Variants in BTRC observed in about 807,000 individuals in gnomAD.
The protein encoded by BTRC is beta-transducin repeat containing E3 ubiquitin protein ligase, also known as F-box/WD repeat-containing protein 1A.
A neutral mutation model predicts 85.5 loss-of-function variants in BTRC; 42 were observed. The observed-to-expected ratio is 0.49, with a 90% CI of 0.38 to 0.64. BTRC has a LOEUF of 0.64. Ranked by LOEUF, BTRC falls within the 30% of genes least tolerant of loss-of-function variation. The pLI is 0.00. For missense variants in BTRC, 594 were observed against 743.5 expected (o/e 0.80, Z 2.34); for synonymous variants, 255 against 263.3 (o/e 0.97, Z 0.30).
intron 2 of BTRC, among the ~76,000 whole-genome samples, chr10:101,438,357 A>G (rs1448056963): frequency 2.1e-5 from 3 of 142,306 alleles, no homozygotes; most frequent in South Asian, 2.4e-4. Context: ...CCCGGGAGGC[A>G]GAGCTTGCAG....
intron 4 of BTRC, among the ~76,000 whole-genome samples, chr10:101,501,129 G>A (rs1258197141): frequency 1.3e-5 from 2 of 151,582 alleles, no homozygotes; most frequent in Admixed American, 6.6e-5. Flanking sequence ...CGGGGCAGAG[G>A]TTGCAGTGAG....
intron 2 of BTRC, among the ~76,000 whole-genome samples, chr10:101,455,101 G>A (rs954592644): frequency 1.2e-4 from 18 of 148,236 alleles, no homozygotes; most frequent in Middle Eastern, 3.4e-3. Flanking sequence ...TCACTCTGTC[G>A]CCCAGGCTAG....
chr10:101,465,346 G>A (rs997657713), intron 3 of BTRC, among the ~76,000 whole-genome samples: 2 of 152,166 alleles, frequency 1.3e-5, no homozygotes, highest in Non-Finnish European at 2.9e-5. Flanking sequence ...CAAAAATAGC[G>A]TTTTGCCATT....
At chr10:101,420,134 TACA>T (rs765449781) in intron 1 of BTRC, among the ~76,000 whole-genome samples, 51 of 152,218 alleles carry the variant, frequency 3.4e-4, no homozygotes, top group Non-Finnish European at 5.6e-4. Flanking sequence ...GATTTCAGCT[TACA>T]ACAACATCCT....
In BTRC at chr10:101,538,164, G is replaced by A; in HGVS notation, c.1578-129G>A. 3 of 763,916 alleles carry A rather than the reference G, an allele frequency of 3.9e-6. No homozygotes were observed. The South Asian group carries it at 4.6e-5, about 12-fold the overall frequency. 47.3% of individuals were successfully genotyped at this position (763,916 alleles called of 1,614,324 possible). On this transcript the variant is annotated intron_variant, in intron 12 of 14. Transcript: ENST00000370187. ...GTTAAAGCTAGCCTGTTTCTCATTT[G>A]TAGGTTAATCACGTACATTTGAACT...
rs777047410 is a variant in BTRC at position 101,532,307 on chromosome 10, A to T, written c.853A>T (p.Asn285Tyr). Residue 285 changes from asparagine (N) to tyrosine (Y), a missense_variant, in exon 8 of 15, where the codon AAT becomes TAT. Physicochemically the swap from Asn to Tyr is moderately radical, Grantham distance 143. This residue lies in a region of BTRC where 373 missense variants were observed against 503.6 expected (regional missense o/e 0.74). Coordinates refer to ENST00000370187, the MANE Select transcript of BTRC (RefSeq NM_033637.4). ...TCCTTCTTCTCAGACAATAGAATCT[A>T]ATTGGAGATGTGGAAGACATAGTTT... is the stretch of plus-strand genomic sequence containing the variant. Reference protein sequence around the residue: ...IIQDIETIESNWRCGRHSLQR... With the variant: ...IIQDIETIESYWRCGRHSLQR... 6.2e-7 allele frequency: 1 copy of T among 1,611,940 alleles called. No homozygotes were observed. The highest frequency in any genetic ancestry group is 2.2e-5 in the East Asian group (1 of 44,840).
chr10:101,535,976 G>A (rs1201788290), intron 11 of BTRC, among the ~76,000 whole-genome samples: 1 of 152,204 alleles, frequency 6.6e-6, no homozygotes, highest in East Asian at 1.9e-4. Context: ...TTAAAAAAGA[G>A]CTACTGTTTG....
intron 2 of BTRC, among the ~76,000 whole-genome samples, chr10:101,456,382 A>C (rs1945083730): frequency 6.6e-6 from 1 of 152,124 alleles, no homozygotes; most frequent in African/African-American, 2.4e-5. Context: ...TAGACTGAAA[A>C]TTAGCTAGAT....
At chr10:101,418,309 A>G (rs1278064444) in intron 1 of BTRC, among the ~76,000 whole-genome samples, 1 of 152,132 alleles carries the variant, frequency 6.6e-6, no homozygotes, top group Non-Finnish European at 1.5e-5. Context: ...CGGAGGTTGC[A>G]GTGAGCCAAT....
At chr10:101,522,832 CT>C (rs1240912269) in intron 5 of BTRC, among the ~76,000 whole-genome samples, 1 of 152,110 alleles carries the variant, frequency 6.6e-6, no homozygotes, top group Non-Finnish European at 1.5e-5. Flanking sequence ...TAAGATGTGT[CT>C]TTTATAATAA....
At chr10:101,546,674 G>C (rs1173057764) in intron 13 of BTRC, among the ~76,000 whole-genome samples, 1 of 152,016 alleles carries the variant, frequency 6.6e-6, no homozygotes, top group African/African-American at 2.4e-5. Context: ...TAGAAGAAAA[G>C]AAATAACAAA....
chr10:101,393,342 C>T (rs1368952048), intron 1 of BTRC, among the ~76,000 whole-genome samples: 1 of 152,112 alleles, frequency 6.6e-6, no homozygotes, highest in Non-Finnish European at 1.5e-5. Flanking sequence ...ATTAATTGAA[C>T]CCACAGAGGG....
intron 13 of BTRC, among the ~76,000 whole-genome samples, chr10:101,546,094 T>C (rs1474301896): frequency 1.3e-5 from 2 of 152,172 alleles, no homozygotes; most frequent in Non-Finnish European, 2.9e-5. Context: ...AAGAACATAG[T>C]TGAATTTAGC....
At chr10:101,464,845 C>A (rs1230428628) in intron 3 of BTRC, among the ~76,000 whole-genome samples, 1 of 152,104 alleles carries the variant, frequency 6.6e-6, no homozygotes, top group African/African-American at 2.4e-5. Flanking sequence ...TTTGCTCGAA[C>A]CAGATTACTG....
chr10:101,375,343 G>A (rs946858851), intron 1 of BTRC, among the ~76,000 whole-genome samples: 3 of 151,786 alleles, frequency 2.0e-5, no homozygotes, highest in East Asian at 1.9e-4. Flanking sequence ...GCCTTCTCCC[G>A]TGATTTTAAG....
chr10:101,418,006 G>C (rs1943992231), intron 1 of BTRC, among the ~76,000 whole-genome samples: 1 of 152,122 alleles, frequency 6.6e-6, no homozygotes, highest in Non-Finnish European at 1.5e-5. Context: ...ACTTTATTCA[G>C]TGGCTTATTT....
In BTRC at chr10:101,538,277, C is replaced by T; in HGVS notation, c.1578-16C>T. On this transcript the variant is annotated splice_polypyrimidine_tract_variant and intron_variant, in intron 12 of 14. Transcript: ENST00000370187. ...TTGCTTTTAACTAACATTTTTGTCCCCTTTTTGATCTTTAGAAAAATTAAA... is the reference window on the plus strand; with the variant it reads ...TTGCTTTTAACTAACATTTTTGTCCTCTTTTTGATCTTTAGAAAAATTAAA... The T allele has an allele frequency of 6.2e-7, 1 of 1,611,126 alleles. No individual in the cohort carries two copies. Among genetic ancestry groups the T allele is most frequent in the Middle Eastern group, 1.7e-4 (1 of 6,048 alleles).
At chr10:101,489,065 C>T (rs141628546) in intron 4 of BTRC, among the ~76,000 whole-genome samples, 104 of 152,168 alleles carry the variant, frequency 6.8e-4, no homozygotes, top group African/African-American at 2.3e-3. Flanking sequence ...CCCCTAGTAC[C>T]ATCTCCCTAC....
At chr10:101,496,382 C>T (rs1284410763) in intron 4 of BTRC, among the ~76,000 whole-genome samples, 1 of 151,972 alleles carries the variant, frequency 6.6e-6, no homozygotes, top group African/African-American at 2.4e-5. Context: ...TCTGGTGATA[C>T]GTAGTAGTAT....
Sources: gnomAD v4.1 joint callset for allele counts (sites outside exome capture counted in the v4.1 genomes callset) on GRCh38, gnomAD v4.1.1 for gene constraint, gnomAD v4.1.1 regional missense constraint, MANE v1.5 for transcripts, NCBI Gene and HGNC (gene_info 2026-07-23, HGNC 2026-07-21) for gene names.